Variants in PDE3A observed in about 807,000 individuals in gnomAD.
PDE3A encodes cGMP-inhibited 3',5'-cyclic phosphodiesterase 3A.
PDE3A carries 43 observed loss-of-function variants against 98.3 expected under a neutral mutation model. The observed-to-expected ratio is 0.44, with a 90% CI of 0.34 to 0.56. The LOEUF is 0.56. Among genes scored for constraint, PDE3A ranks in the 20% least tolerant of loss-of-function variants. The probability of loss-of-function intolerance (pLI) is 0.01; values close to 1 mark genes in which losing one functional copy is unlikely to be tolerated. For missense variants in PDE3A, 1,427 were observed against 1,440.7 expected, an observed-to-expected ratio of 0.99 and a Z score of 0.15; for synonymous variants, 663 against 567.9, an observed-to-expected ratio of 1.17 and a Z score of -2.38.
intron 1 of PDE3A, among the ~76,000 whole-genome samples, chr12:20,468,276 AT>A (rs1945378340): frequency 6.6e-6 from 1 of 151,966 alleles, no homozygotes; most frequent in Non-Finnish European, 1.5e-5. Flanking sequence ...TACATTTTAC[AT>A]TTGTATGTGT....
At chr12:20,386,122 AATATATATAAATATATATAAAT>A (rs1943780877) in intron 1 of PDE3A, among the ~76,000 whole-genome samples, 2 of 20,000 alleles carry the variant, frequency 1.0e-4, no homozygotes, top group South Asian at 1.8e-3. Flanking sequence ...AATATATATA[AATATATATAAATATATATAAAT>A]ATATATATAA....
intron 2 of PDE3A, among the ~76,000 whole-genome samples, chr12:20,559,978 C>T (rs1942473215): frequency 6.6e-6 from 1 of 152,096 alleles, no homozygotes; most frequent in South Asian, 2.1e-4. Context: ...GAATGCTATA[C>T]TTTATTGACT....
chr12:20,459,196 A>G (rs549161806), intron 1 of PDE3A, among the ~76,000 whole-genome samples: 33 of 152,288 alleles, frequency 2.2e-4, no homozygotes, highest in African/African-American at 7.9e-4. Flanking sequence ...AAAGGAAAGA[A>G]TGGGTAGAAA....
At chr12:20,425,303 T>G (rs1944585390) in intron 1 of PDE3A, among the ~76,000 whole-genome samples, 1 of 152,166 alleles carries the variant, frequency 6.6e-6, no homozygotes, top group Admixed American at 6.5e-5. Context: ...CTGAGCGATT[T>G]TATTTTTTTC....
intron 1 of PDE3A, chr12:20,449,645 C>A: frequency 2.4e-6 from 1 of 416,374 alleles, no homozygotes; most frequent in Non-Finnish European, 4.5e-6. Context: ...TTTTAGTCTA[C>A]AAGTCGCTTT....
intron 1 of PDE3A, among the ~76,000 whole-genome samples, chr12:20,516,227 A>G (rs1204678260): frequency 1.3e-5 from 2 of 152,100 alleles, no homozygotes; most frequent in Non-Finnish European, 2.9e-5. Context: ...GATTTTGAGT[A>G]TTCATTTTGG....
At chr12:20,634,854 C>G in intron 7 of PDE3A, 48 bp from the exon 8 acceptor site, 1 of 1,454,494 alleles carries the variant, frequency 6.9e-7, no homozygotes. Flanking sequence ...AATGAGCCCC[C>G]TTTCCCCATT....
In PDE3A at chr12:20,613,494, G is replaced by A. The variant is rs1565449329; in HGVS notation, c.1063G>A (p.Gly355Ser). Residue 355 changes from glycine to serine, a missense_variant, in exon 3 of 16, where the codon GGC becomes AGC. By Grantham distance (56) the Gly-to-Ser change is moderately conservative (BLOSUM62 0). This residue lies in a region of PDE3A where 1,012 missense variants were observed against 886.5 expected (regional missense o/e 1.14). Transcript: ENST00000359062. Reference protein sequence around the residue: ...VDIAVMGEAHGLITDLLADPS... With the variant: ...VDIAVMGEAHSLITDLLADPS... ...CATCGCCGTCATGGGCGAGGCCCAC[G>A]GCCTCATTACCGACCTCCTGGCAGA... 6 of 1,613,864 alleles carry A rather than the reference G, an allele frequency of 3.7e-6. No individual in the cohort carries two copies. The highest frequency in any genetic ancestry group is 3.4e-6 in the Non-Finnish European group (4 of 1,179,882).
intron 1 of PDE3A, among the ~76,000 whole-genome samples, chr12:20,427,843 A>G (rs1944626517): frequency 1.3e-5 from 2 of 151,960 alleles, no homozygotes; most frequent in Non-Finnish European, 2.9e-5. Flanking sequence ...AATCTAGAAT[A>G]TATAATATAT....
intron 1 of PDE3A, among the ~76,000 whole-genome samples, chr12:20,420,019 A>C (rs974042820): frequency 6.6e-6 from 1 of 152,196 alleles, no homozygotes; most frequent in African/African-American, 2.4e-5. Flanking sequence ...AACCGTATCG[A>C]ATATCATTAA....
chr12:20,496,632 C>A (rs149346964), intron 1 of PDE3A, among the ~76,000 whole-genome samples: 1 of 152,028 alleles, frequency 6.6e-6, no homozygotes, highest in African/African-American at 2.4e-5. Flanking sequence ...GAGCTGTCCA[C>A]GTTCCGTTGT....
Position 20,639,882 on chromosome 12 carries a change from G to T in PDE3A, c.2176G>T (p.Glu726Ter). 6.3e-7 allele frequency: 1 copy of T among 1,586,862 alleles called. No individual in the cohort carries two copies. The highest frequency in any genetic ancestry group is 8.7e-7 in the Non-Finnish European group (1 of 1,155,904). ...YRLFEDMGLFEAFKIPIREFM... is the reference protein window; with the variant it reads ...YRLFEDMGLF ...ACTTTTTGAAGACATGGGCCTCTTT[G>T]AAGCTTTTAAAATTCCAATTAGGGA... Residue 726 changes from glutamate to a stop codon, truncating the protein, a stop_gained, in exon 10 of 16, where the codon GAA becomes TAA. Transcript: ENST00000359062. LOFTEE classifies it high-confidence loss of function.
In PDE3A at chr12:20,687,805, G is replaced by A. The variant is rs913596347; in HGVS notation, c.*7534G>A. Among the ~76,000 whole-genome samples, 2 of 148,908 alleles carry A rather than the reference G, an allele frequency of 1.3e-5. No homozygotes were observed. Among genetic ancestry groups the A allele is most frequent in the African/African-American group, 4.9e-5 (2 of 40,618 alleles). On this transcript the variant is annotated 3_prime_UTR_variant, in exon 16 of 16. Coordinates refer to ENST00000359062, the MANE Select transcript of PDE3A (RefSeq NM_000921.5). ...GAAGGAAATTTAATCTGAATTTAGAGTGTTTTAGGTTTTGGTTGGTTTGAA... is the reference window on the plus strand; with the variant it reads ...GAAGGAAATTTAATCTGAATTTAGAATGTTTTAGGTTTTGGTTGGTTTGAA...
At chr12:20,542,880 T>A (rs1204188521) in intron 1 of PDE3A, among the ~76,000 whole-genome samples, 1 of 151,990 alleles carries the variant, frequency 6.6e-6, no homozygotes, top group Non-Finnish European at 1.5e-5. Flanking sequence ...ATGGTATGAA[T>A]GAAACCTAAA....
intron 1 of PDE3A, among the ~76,000 whole-genome samples, chr12:20,536,464 G>T (rs771909631): frequency 5.3e-5 from 8 of 151,850 alleles, no homozygotes; most frequent in Non-Finnish European, 1.2e-4. Flanking sequence ...TGGAGCTATC[G>T]CCACTAATCC....
intron 1 of PDE3A, among the ~76,000 whole-genome samples, chr12:20,375,348 T>G (rs546961402): frequency 2.6e-5 from 4 of 152,092 alleles, no homozygotes; most frequent in African/African-American, 9.6e-5. Context: ...GATTTTTTGT[T>G]GTTGTTTGTT....
intron 15 of PDE3A, among the ~76,000 whole-genome samples, chr12:20,677,015 C>T (rs1251977794): frequency 6.6e-6 from 1 of 152,034 alleles, no homozygotes; most frequent in Non-Finnish European, 1.5e-5. Context: ...GTCATGCAAG[C>T]TTTGTTCATT....
At chr12:20,667,860 C>T (rs4362189) in intron 15 of PDE3A, among the ~76,000 whole-genome samples, 103,201 of 152,030 alleles carry the variant, frequency 0.68, 35,269 homozygotes, top group East Asian at 0.79. Context: ...GATGGCCGAA[C>T]AGGAACAGCT....
chr12:20,444,775 G>A (rs959627110), intron 1 of PDE3A, among the ~76,000 whole-genome samples: 6 of 152,146 alleles, frequency 3.9e-5, no homozygotes, highest in Non-Finnish European at 8.8e-5. Context: ...AAAACTAAAT[G>A]GGATTTCAGC....
Sources: gnomAD v4.1 joint callset for allele counts (sites outside exome capture counted in the v4.1 genomes callset) on GRCh38, gnomAD v4.1.1 for gene constraint, gnomAD v4.1.1 regional missense constraint, MANE v1.5 for transcripts, NCBI Gene and HGNC (gene_info 2026-07-23, HGNC 2026-07-21) for gene names.